Variants in TTC28 observed in about 807,000 individuals in gnomAD.
TTC28 encodes tetratricopeptide repeat domain 28.
TTC28 carries 61 observed loss-of-function variants against 198.0 expected under a neutral mutation model. The observed-to-expected ratio is 0.31, with a 90% CI of 0.25 to 0.38. The LOEUF (loss-of-function observed/expected upper bound fraction) is 0.38. TTC28 is among the 10% of genes least tolerant of loss of function. The pLI, the probability that TTC28 is intolerant of heterozygous loss-of-function variation, is 1.00. For missense variants in TTC28, 2,678 were observed against 3,164.0 expected (o/e 0.85, Z 3.69); for synonymous variants, 1,171 against 1,297.8 (o/e 0.90, Z 2.10).
At chr22:28,447,357 A>G (rs1188929873) in intron 2 of TTC28, among the ~76,000 whole-genome samples, 1 of 152,234 alleles carries the variant, frequency 6.6e-6, no homozygotes, top group African/African-American at 2.4e-5. Flanking sequence ...CAATTCAGCA[A>G]TATCAGATCC....
At chr22:28,105,901 A>G (rs1942284111) in intron 7 of TTC28, 99 bp from the exon 8 acceptor site, 1 of 1,369,628 alleles carries the variant, frequency 7.3e-7, no homozygotes, top group African/African-American at 1.5e-5. Context: ...ACTGTCACTT[A>G]CTATAGAAGC....
chr22:28,273,091 A>G (rs1190751732), intron 5 of TTC28, among the ~76,000 whole-genome samples: 1 of 152,214 alleles, frequency 6.6e-6, no homozygotes, highest in East Asian at 1.9e-4. Flanking sequence ...TGAACCAGAA[A>G]TTGGTTTAAA....
intron 2 of TTC28, among the ~76,000 whole-genome samples, chr22:28,572,796 T>C (rs2050083432): frequency 6.6e-6 from 1 of 152,148 alleles, no homozygotes; most frequent in Admixed American, 6.5e-5. Context: ...GTCCACTTGG[T>C]GATTAACGTT....
intron 12 of TTC28, among the ~76,000 whole-genome samples, chr22:28,039,486 C>G (rs1368634858): frequency 1.6e-5 from 2 of 126,698 alleles, no homozygotes; most frequent in Admixed American, 1.1e-4. Flanking sequence ...CACTTGGACA[C>G]AGGAAGGGGA....
At chr22:28,401,208 T>TGACGATGACGATGACGAC (rs1183382865) in intron 2 of TTC28, among the ~76,000 whole-genome samples, 6 of 140,830 alleles carry the variant, frequency 4.3e-5, no homozygotes, top group Non-Finnish European at 7.7e-5. Context: ...AGGAGGAGGA[T>TGACGATGACGATGACGAC]GACGATGACG....
intron 2 of TTC28, among the ~76,000 whole-genome samples, chr22:28,493,094 C>T (rs1024115797): frequency 1.3e-5 from 2 of 150,578 alleles, no homozygotes; most frequent in African/African-American, 2.4e-5. Flanking sequence ...CAGAGGCTCA[C>T]GCCTGTAATC....
At chr22:28,082,935 CTGTTCAGA>C (rs1941418759) in intron 12 of TTC28, among the ~76,000 whole-genome samples, 1 of 151,950 alleles carries the variant, frequency 6.6e-6, no homozygotes, top group South Asian at 2.1e-4. Context: ...AGTTATAGAT[CTGTTCAGA>C]TATTTTATTT....
chr22:28,113,008 A>G (rs1273396193), intron 6 of TTC28, among the ~76,000 whole-genome samples: 1 of 152,198 alleles, frequency 6.6e-6, no homozygotes, highest in Non-Finnish European at 1.5e-5. Flanking sequence ...GGCTGTTGTG[A>G]GGGCCAATGC....
chr22:28,020,458 G>A (rs891810405), intron 13 of TTC28, among the ~76,000 whole-genome samples: 3 of 152,236 alleles, frequency 2.0e-5, no homozygotes, highest in African/African-American at 4.8e-5. Flanking sequence ...GAGGGTCTGC[G>A]AAGAGCAGCC....
chr22:28,295,957 A>G (rs2044885999), intron 5 of TTC28, among the ~76,000 whole-genome samples: 1 of 152,196 alleles, frequency 6.6e-6, no homozygotes, highest in South Asian at 2.1e-4. Context: ...TGCATCTGAC[A>G]AAGCTGTTAG....
intron 2 of TTC28, among the ~76,000 whole-genome samples, chr22:28,322,959 A>G (rs181642330): frequency 7.4e-4 from 112 of 152,220 alleles, no homozygotes; most frequent in Middle Eastern, 3.4e-3. Context: ...AACATTTTCT[A>G]CTGCCCTCTC....
At chr22:28,169,313 C>T (rs913452696) in intron 5 of TTC28, among the ~76,000 whole-genome samples, 15 of 152,150 alleles carry the variant, frequency 9.9e-5, no homozygotes, top group Middle Eastern at 3.4e-3. Context: ...CCCAGCCATC[C>T]GATTACTGGG....
chr22:28,602,080 G>T (rs1378017774), intron 2 of TTC28, among the ~76,000 whole-genome samples: 1 of 152,172 alleles, frequency 6.6e-6, no homozygotes, highest in Non-Finnish European at 1.5e-5. Context: ...TAGCAGCAAT[G>T]AACTGCAGGT....
chr22:28,291,177 T>C (rs2044781446), intron 5 of TTC28, among the ~76,000 whole-genome samples: 2 of 152,028 alleles, frequency 1.3e-5, no homozygotes, highest in Non-Finnish European at 2.9e-5. Flanking sequence ...AGTTCATTTA[T>C]GGGGCAAGGG....
intron 1 of TTC28, among the ~76,000 whole-genome samples, chr22:28,638,666 T>C (rs1290238070): frequency 6.6e-6 from 1 of 152,098 alleles, no homozygotes; most frequent in Non-Finnish European, 1.5e-5. Context: ...AAAAAGGAAC[T>C]CCATGTGGCT....
intron 12 of TTC28, among the ~76,000 whole-genome samples, chr22:28,040,017 C>G (rs974219164): frequency 3.3e-5 from 5 of 152,198 alleles, no homozygotes; most frequent in Admixed American, 3.3e-4. Flanking sequence ...GACACATACA[C>G]TCTCCCAAGA....
rs118053721 is a variant in TTC28 at position 28,493,897 on chromosome 22, G to A, written c.381+135655C>T. Among the ~76,000 whole-genome samples the A allele has an allele frequency of 3.4e-3, 520 of 152,296 alleles. 5 individuals carry two copies. The highest frequency in any genetic ancestry group is 0.014 in the Middle Eastern group (4 of 294). The stretch of plus-strand genomic sequence containing the variant: ...CCTGTCTCTTCAACAAGTAATTTGC[G>A]AAGGGAAAGAGAGAAAGATATTATA... On this transcript the variant is annotated intron_variant, in intron 2 of 22. Transcript: ENST00000397906.
At chr22:28,393,792 C>T (rs2046772256) in intron 2 of TTC28, among the ~76,000 whole-genome samples, 2 of 152,202 alleles carry the variant, frequency 1.3e-5, no homozygotes, top group Non-Finnish European at 2.9e-5. Context: ...AAAGTGAAAG[C>T]TTGCATACAA....
rs1228623484 is a variant in TTC28, at chr22:28,163,595, G to A, written c.938C>T (p.Ala313Val). Residue 313 changes from alanine to valine, a missense_variant, in exon 6 of 23, where the codon GCT becomes GTT. Physicochemically the swap from Ala to Val is moderately conservative, Grantham distance 64. Transcript: ENST00000397906. ...LAMKLKDREA[A>V]SSALSSLGHV... is the part of the protein sequence containing the mutation. ...GCCCAGACTGCTCAAGGCTGATGAA[G>A]CTGCCTGGAGAGAAAAGGATAAAGT... 1.3e-6 allele frequency: 2 copies of A among 1,525,950 alleles called. No individual in the cohort carries two copies. Among genetic ancestry groups the A allele is most frequent in the African/African-American group, 1.4e-5 (1 of 72,044 alleles). 94.5% of individuals were successfully genotyped at this position (1,525,950 alleles called of 1,614,324 possible).
Sources: gnomAD v4.1 joint callset for allele counts (sites outside exome capture counted in the v4.1 genomes callset) on GRCh38, gnomAD v4.1.1 for gene constraint, MANE v1.5 for transcripts, NCBI Gene and HGNC (gene_info 2026-07-23, HGNC 2026-07-21) for gene names.